SLCO4A1: variants seen among roughly 807,000 people sequenced by gnomAD.
SLCO4A1 encodes solute carrier organic anion transporter family member 4A1, also known as colon organic anion transporter.
SLCO4A1 carries 51 observed loss-of-function variants against 64.6 expected under a neutral mutation model. The observed-to-expected ratio is 0.79, with a 90% CI of 0.63 to 1.00. The LOEUF is 1.00. Ranked by LOEUF, SLCO4A1 falls within the 50% of genes least tolerant of loss-of-function variation. The pLI is 0.00. For synonymous variants in SLCO4A1, 471 were observed against 444.9 expected (o/e 1.06, Z -0.74); for missense variants, 919 against 980.5 (o/e 0.94, Z 0.84).
intron 2 of SLCO4A1, among the ~76,000 whole-genome samples, chr20:62,684,906 G>C (rs141499729): frequency 8.1e-4 from 123 of 152,280 alleles, no homozygotes; most frequent in African/African-American, 2.8e-3. Flanking sequence ...CACACCAGCT[G>C]GGCAACGAGA....
downstream of SLCO4A1, among the ~76,000 whole-genome samples, chr20:62,675,038 C>T (rs1293888712): frequency 1.3e-5 from 2 of 152,182 alleles, no homozygotes; most frequent in Admixed American, 6.5e-5. Flanking sequence ...AGGACTGTCC[C>T]GCTCCATGCC....
intron 9 of SLCO4A1, 112 bp from the exon 10 acceptor site, chr20:62,668,365 G>C (rs561239003): frequency 1.1e-4 from 138 of 1,300,122 alleles, no homozygotes; most frequent in African/African-American, 2.3e-4. Flanking sequence ...TTCCCACTTG[G>C]GGGGGGGTGA....
chr20:62,677,388 T>C (rs938035288), intron 2 of SLCO4A1, among the ~76,000 whole-genome samples: 5 of 152,350 alleles, frequency 3.3e-5, no homozygotes, highest in Admixed American at 3.3e-4. Context: ...CATGGAGATC[T>C]GTTGGGGGAT....
intron 11 of SLCO4A1, among the ~76,000 whole-genome samples, chr20:62,669,428 G>T (rs1169886722): frequency 4.6e-5 from 7 of 152,220 alleles, no homozygotes; most frequent in African/African-American, 1.7e-4. Flanking sequence ...ATAAGAAGTG[G>T]CTGCTCCTGT....
rs537974594 is a variant in SLCO4A1 at position 62,644,249 on chromosome 20, C to T, written c.-97+1696C>T. On this transcript the variant is annotated intron_variant, in intron 1 of 11. Transcript: ENST00000217159. The surrounding 1 kb of genome is among the most constrained non-coding windows in gnomAD (Gnocchi z 5.4). ...GGCCGGCCACTCGGTGAGACCTGGA[C>T]GCTGACCACAGCCAGGCTGCCCTGA... Among the ~76,000 whole-genome samples the T allele has an allele frequency of 4.6e-5, 7 of 152,372 alleles. No individual in the cohort carries two copies. Among genetic ancestry groups the T allele is most frequent in the East Asian group, 1.9e-4 (1 of 5,186 alleles).
intron 1 of SLCO4A1, chr20:62,650,115 G>T (rs978211924): frequency 6.6e-6 from 1 of 152,272 alleles, no homozygotes; most frequent in African/African-American, 2.4e-5. Context: ...TGAGGGTGTG[G>T]CTCTGGGATG....
chr20:62,667,482 T>C, intron 7 of SLCO4A1: 1 of 489,466 alleles, frequency 2.0e-6, no homozygotes. Flanking sequence ...ACAAATGAAC[T>C]AGGGAAAGGG....
At chr20:62,675,444 G>A (rs180809792), downstream of SLCO4A1, among the ~76,000 whole-genome samples, 270 of 152,202 alleles carry the variant, frequency 1.8e-3, 1 homozygote, top group African/African-American at 6.0e-3. Flanking sequence ...TGCTGCCCTC[G>A]CCTCGATCTA....
intron 2 of SLCO4A1, 48 bp from the exon 3 acceptor site, chr20:62,658,629 G>A (rs1315315214): frequency 1.3e-6 from 2 of 1,504,624 alleles, no homozygotes; most frequent in Non-Finnish European, 1.8e-6. Flanking sequence ...GCCCTCCGCA[G>A]CCCCTGGGTG....
rs999956220 is a variant in SLCO4A1, at chr20:62,656,600, A to G, written c.146A>G (p.His49Arg). The change falls in exon 2 of 12, where the codon CAT becomes CGT. Residue 49 changes from histidine to arginine, a missense_variant. Physicochemically the swap from His to Arg is conservative, Grantham distance 29 (BLOSUM62 0). Coordinates refer to ENST00000217159, the MANE Select transcript of SLCO4A1 (RefSeq NM_016354.4). The part of the protein sequence containing the change: ...LSPGSLRSAA[H>R]SPLDTSKQPL... ...CCCGGCTCCCTCCGCTCCGCTGCCC[A>G]TAGCCCCCTGGACACCAGCAAGCAG... The G allele has an allele frequency of 1.6e-5, 25 of 1,598,480 alleles. No individual in the cohort carries two copies. The East Asian group carries it at 3.0e-4, about 19-fold the overall frequency.
At chr20:62,678,097 G>A (rs1987674095) in intron 2 of SLCO4A1, among the ~76,000 whole-genome samples, 2 of 152,220 alleles carry the variant, frequency 1.3e-5, no homozygotes, top group African/African-American at 4.8e-5. Context: ...CAGAAGACAG[G>A]AACAGTAGGT....
intron 3 of SLCO4A1, among the ~76,000 whole-genome samples, chr20:62,659,400 G>C (rs118091820): frequency 0.053 from 8,077 of 152,232 alleles, 313 homozygotes; most frequent in Middle Eastern, 0.095. Flanking sequence ...ACTCGGCCTG[G>C]GCACCGCTGC....
chr20:62,657,577 T>G (rs976753400), intron 2 of SLCO4A1, among the ~76,000 whole-genome samples: 2 of 152,180 alleles, frequency 1.3e-5, no homozygotes, highest in Non-Finnish European at 2.9e-5. Flanking sequence ...TGGCACCAGG[T>G]CCAATGGCGG....
At chr20:62,680,682 C>T (rs568946619) in intron 2 of SLCO4A1, among the ~76,000 whole-genome samples, 8 of 151,864 alleles carry the variant, frequency 5.3e-5, no homozygotes, top group South Asian at 4.2e-4. Context: ...TTGCGCTGGT[C>T]GCTTTCAGAA....
chr20:62,656,967 C>A lies in SLCO4A1; in HGVS notation c.513C>A (p.Arg171=). ...SYFGGSGHKP[R]WLGWGVLLMG... is the part of the protein sequence containing the mutation. ...TCGGGGGCTCAGGGCACAAGCCGCG[C>A]TGGCTGGGCTGGGGCGTGCTGCTTA... Residue 171 remains arginine, a synonymous_variant, in exon 2 of 12, where the codon CGC becomes CGA. Coordinates refer to ENST00000217159, the MANE Select transcript of SLCO4A1 (RefSeq NM_016354.4). The A allele has an allele frequency of 6.4e-7, 1 of 1,564,392 alleles. No individual in the cohort carries two copies.
Position 62,663,916 on chromosome 20 carries a change from A to G in SLCO4A1, c.1122-1018A>G, listed in dbSNP as rs187937161. Among the ~76,000 whole-genome samples, 31 of 152,302 alleles carry G rather than the reference A, an allele frequency of 2.0e-4. No individual in the cohort carries two copies. The East Asian group carries it at 3.9e-3, about 19-fold the overall frequency. Reference sequence around the variant, plus strand: ...AACACGTTTTCCATCTCAGCATCTTATGCGCTTAAGCAGCGGTTGGGCGTT... The same window carrying G: ...AACACGTTTTCCATCTCAGCATCTTGTGCGCTTAAGCAGCGGTTGGGCGTT... On this transcript the variant is annotated intron_variant, in intron 5 of 11. Transcript: ENST00000217159.
intron 8 of SLCO4A1, 35 bp from the exon 9 acceptor site, chr20:62,667,977 C>A (rs762538115): frequency 7.4e-6 from 12 of 1,613,936 alleles, no homozygotes; most frequent in African/African-American, 1.3e-5. Context: ...CCCGTGCCTT[C>A]CCCTTGTAAT....
downstream of SLCO4A1, among the ~76,000 whole-genome samples, chr20:62,686,090 C>T (rs538324284): frequency 1.3e-5 from 2 of 152,262 alleles, no homozygotes; most frequent in Non-Finnish European, 1.5e-5. Flanking sequence ...CTGTTTATCG[C>T]GGCCACTTCC....
chr20:62,664,959 C>G lies in SLCO4A1; in HGVS notation c.1147C>G (p.Pro383Ala), dbSNP rs1057360352. ...CTCCATCTGGCTCCTGCTGAAGAACCCCACGTTCATCCTGCTCTGCCTGGC... is the reference window on the plus strand; with the variant it reads ...CTCCATCTGGCTCCTGCTGAAGAACGCCACGTTCATCCTGCTCTGCCTGGC... ...PLSIWLLLKN[P>A]TFILLCLAGA... The change falls in exon 6 of 12, where the codon CCC becomes GCC. Residue 383 changes from proline to alanine, a missense_variant. Pro to Ala is a conservative substitution (Grantham distance 27, BLOSUM62 -1). Transcript: ENST00000217159. The G allele has an allele frequency of 6.2e-7, 1 of 1,612,174 alleles. No homozygotes were observed. The highest frequency in any genetic ancestry group is 8.5e-7 in the Non-Finnish European group (1 of 1,179,064).
Sources: allele counts gnomAD v4.1 joint callset (sites outside exome capture counted in the v4.1 genomes callset), GRCh38; gene constraint gnomAD v4.1.1; non-coding constraint Gnocchi (gnomAD v3.1); transcripts MANE v1.5; gene names NCBI Gene and HGNC (gene_info 2026-07-23, HGNC 2026-07-21).